CACNA2D4: variants seen among roughly 807,000 people sequenced by gnomAD.
CACNA2D4 encodes voltage-dependent calcium channel subunit alpha-2/delta-4.
A neutral mutation model predicts 163.8 loss-of-function variants in CACNA2D4; 157 were observed. The observed-to-expected ratio is 0.96, with a 90% confidence interval of 0.84 to 1.09. CACNA2D4 has a LOEUF of 1.09. CACNA2D4 is among the 50% of genes least tolerant of loss of function. CACNA2D4 has a pLI of 0.00. For synonymous variants in CACNA2D4, 598 were observed against 586.9 expected (o/e 1.02, Z -0.27); for missense variants, 1,410 against 1,479.9 (o/e 0.95, Z 0.78).
At chr12:1,900,413 G>T (rs935995652) in intron 6 of CACNA2D4, among the ~76,000 whole-genome samples, 1 of 152,184 alleles carries the variant, frequency 6.6e-6, no homozygotes, top group Non-Finnish European at 1.5e-5. Context: ...GGGATTACAG[G>T]CATGAGCCAC....
intron 35 of CACNA2D4, among the ~76,000 whole-genome samples, chr12:1,796,656 G>T (rs978972581): frequency 6.6e-6 from 1 of 152,234 alleles, no homozygotes; most frequent in Non-Finnish European, 1.5e-5. Flanking sequence ...CGCAGGGAGT[G>T]GGGGAGAAGG....
rs1339363193 is a variant in CACNA2D4, at chr12:1,828,936, T to C, written c.2551+11803A>G. ...CAGCAAGGGCTGGTCTGCCCAAGGCTACACGGTGGCAGGGAGGAAACGGTC... is the reference window on the plus strand; with the variant it reads ...CAGCAAGGGCTGGTCTGCCCAAGGCCACACGGTGGCAGGGAGGAAACGGTC... On this transcript the variant is annotated intron_variant, in intron 26 of 37. Transcript: ENST00000382722. The surrounding 1 kb of genome is among the most constrained non-coding windows in gnomAD (Gnocchi z 4.2). 6.6e-6 allele frequency among the ~76,000 whole-genome samples: 1 copy of C among 152,212 alleles called. No homozygotes were observed. The highest frequency in any genetic ancestry group is 1.9e-4 in the East Asian group (1 of 5,180).
intron 6 of CACNA2D4, among the ~76,000 whole-genome samples, chr12:1,895,804 A>T (rs1322709095): frequency 6.6e-6 from 1 of 151,900 alleles, no homozygotes; most frequent in African/African-American, 2.4e-5. Flanking sequence ...ACATGGTTAC[A>T]TTTTAAAATT....
intron 27 of CACNA2D4, among the ~76,000 whole-genome samples, chr12:1,810,794 ATGTG>A (rs939940192): frequency 1.3e-5 from 2 of 151,872 alleles, no homozygotes; most frequent in Admixed American, 1.3e-4. Flanking sequence ...AGGTGTGTGC[ATGTG>A]TGTGTCTATG....
Position 1,909,436 on chromosome 12 carries a change from C to T in CACNA2D4, c.486+470G>A, listed in dbSNP as rs534074918. Among the ~76,000 whole-genome samples the T allele has an allele frequency of 1.2e-4, 19 of 152,332 alleles. No individual in the cohort carries two copies. In the South Asian group the frequency reaches 3.7e-3, roughly 30 times the overall value. On this transcript the variant is annotated intron_variant, in intron 4 of 37. Coordinates refer to ENST00000382722, the MANE Select transcript of CACNA2D4 (RefSeq NM_172364.5). ...GTCTCGATCTCCTGACCTTGTGATCCACCCGCCTCAGCCTCCCAAAGTGCT... is the reference window on the plus strand; with the variant it reads ...GTCTCGATCTCCTGACCTTGTGATCTACCCGCCTCAGCCTCCCAAAGTGCT...
chr12:1,876,588 G>A (rs1019032766), intron 16 of CACNA2D4, among the ~76,000 whole-genome samples: 1 of 152,228 alleles, frequency 6.6e-6, no homozygotes, highest in Non-Finnish European at 1.5e-5. Context: ...CTATCACTGT[G>A]TATCTTGCTT....
Position 1,844,318 on chromosome 12 carries a change from A to G in CACNA2D4, c.2470+84T>C. On this transcript the variant is annotated intron_variant, in intron 25 of 37. Transcript: ENST00000382722. This position sits in a 1 kb window ranked among gnomAD's most constrained non-coding sequence, Gnocchi z 4.2. Reference sequence around the variant, plus strand: ...ACATTCTATTCCATATCTCGTTCCCATTTCCCACTAAGAGCACAGCAGGAG... The same window carrying G: ...ACATTCTATTCCATATCTCGTTCCCGTTTCCCACTAAGAGCACAGCAGGAG... The G allele has an allele frequency of 1.3e-6, 2 of 1,501,484 alleles. No homozygotes were observed. The highest frequency in any genetic ancestry group is 1.8e-6 in the Non-Finnish European group (2 of 1,100,008). 93.0% of individuals were successfully genotyped at this position (1,501,484 alleles called of 1,614,324 possible). A position where few individuals can be genotyped will look rare whatever the true frequency, so the allele number is the denominator to read the frequency against.
intron 24 of CACNA2D4, among the ~76,000 whole-genome samples, chr12:1,845,050 C>T (rs757638882): frequency 5.3e-5 from 8 of 149,642 alleles, no homozygotes; most frequent in Non-Finnish European, 1.0e-4. Context: ...GAGTGTTCGG[C>T]CAGAAGCAGA....
chr12:1,802,015 CTGTGTGTGTGTGTGTGTG>C lies in CACNA2D4; in HGVS notation c.2722-389_2722-372del, dbSNP rs60739615. ...TATGAAACTGGATTTGTTTTATATG[CTGTGTGTGTGTGTGTGTG>C]TGTGTGTGTGTGTGTGTGTGTGTGT... On this transcript the variant is annotated intron_variant, in intron 29 of 37. Coordinates refer to ENST00000382722, the MANE Select transcript of CACNA2D4 (RefSeq NM_172364.5). This position sits in a 1 kb window ranked among gnomAD's most constrained non-coding sequence, Gnocchi z 4.7. Among the ~76,000 whole-genome samples, 14 of 144,268 alleles carry C rather than the reference CTGTGTGTGTGTGTGTGTG, an allele frequency of 9.7e-5. No individual in the cohort carries two copies. Among genetic ancestry groups the C allele is most frequent in the Non-Finnish European group, 1.8e-4 (12 of 65,916 alleles). The allele number at this position is 144,268 out of a possible 152,430, so 94.6% of individuals were successfully genotyped here.
intron 6 of CACNA2D4, among the ~76,000 whole-genome samples, chr12:1,888,881 A>G (rs779528754): frequency 3.3e-5 from 5 of 152,232 alleles, no homozygotes; most frequent in Non-Finnish European, 7.3e-5. Context: ...AGCACAGCGT[A>G]TCCCAAACAG....
chr12:1,909,517 C>T (rs988192780), intron 4 of CACNA2D4, among the ~76,000 whole-genome samples: 8 of 152,216 alleles, frequency 5.3e-5, no homozygotes, highest in African/African-American at 1.9e-4. Context: ...TCTGTGTTTT[C>T]TTTCTGCTGT....
At chr12:1,842,675 G>A (rs1865054411) in intron 25 of CACNA2D4, among the ~76,000 whole-genome samples, 1 of 149,990 alleles carries the variant, frequency 6.7e-6, no homozygotes, top group Admixed American at 6.7e-5. Flanking sequence ...CTCAGTCCTG[G>A]TGAATGCGGG....
chr12:1,867,891 G>T (rs1188882608), intron 18 of CACNA2D4, among the ~76,000 whole-genome samples: 1 of 152,146 alleles, frequency 6.6e-6, no homozygotes, highest in East Asian at 1.9e-4. Context: ...GATCATCAGA[G>T]AAATGCAAAC....
chr12:1,804,556 G>A (rs1390320795), intron 29 of CACNA2D4, among the ~76,000 whole-genome samples: 1 of 152,190 alleles, frequency 6.6e-6, no homozygotes, highest in African/African-American at 2.4e-5. Context: ...TGTCACTCTG[G>A]CAGAAAATAT....
intron 26 of CACNA2D4, among the ~76,000 whole-genome samples, chr12:1,816,675 C>T (rs943775194): frequency 1.3e-5 from 2 of 152,382 alleles, no homozygotes; most frequent in African/African-American, 4.8e-5. Flanking sequence ...TACGTCTTTG[C>T]TGTGCACACA....
Position 1,792,498 on chromosome 12 carries a change from C to T in CACNA2D4, c.*1157G>A, listed in dbSNP as rs902308496. 4 of 152,260 alleles carry T rather than the reference C, an allele frequency of 2.6e-5. No individual in the cohort carries two copies. The highest frequency in any genetic ancestry group is 5.9e-5 in the Non-Finnish European group (4 of 68,082). The allele number at this position is 152,260 out of a possible 1,614,324, so 9.4% of individuals were successfully genotyped here. On this transcript the variant is annotated 3_prime_UTR_variant, in exon 38 of 38. Transcript: ENST00000382722. ...CCCTGCATGCTGTCCATACCCATCACTGGGGTTTGTTAAATGGAAAGATTT... is the reference window on the plus strand; with the variant it reads ...CCCTGCATGCTGTCCATACCCATCATTGGGGTTTGTTAAATGGAAAGATTT...
rs368095871 is a variant in CACNA2D4 at position 1,915,575 on chromosome 12, G to A, written c.228-640C>T. On this transcript the variant is annotated intron_variant, in intron 1 of 37. Coordinates refer to ENST00000382722, the MANE Select transcript of CACNA2D4 (RefSeq NM_172364.5). ...CCTCTGTTGAAACCTCAGAGAACGC[G>A]TGAGGCAAGGGCACAGCAGGAAAAG... 9.3e-4 allele frequency among the ~76,000 whole-genome samples: 142 copies of A among 152,366 alleles called. 1 individual carries two copies. Among genetic ancestry groups the A allele is most frequent in the African/African-American group, 3.2e-3 (134 of 41,600 alleles).
intron 29 of CACNA2D4, 58 bp downstream of exon 29, chr12:1,810,220 A>C: frequency 6.9e-7 from 1 of 1,440,584 alleles, no homozygotes; most frequent in Non-Finnish European, 9.7e-7. Flanking sequence ...GTGGCTGCCC[A>C]ATGTCTCCAG....
intron 18 of CACNA2D4, among the ~76,000 whole-genome samples, chr12:1,862,194 T>C (rs1364639672): frequency 6.6e-6 from 1 of 152,210 alleles, no homozygotes; most frequent in Non-Finnish European, 1.5e-5. Flanking sequence ...CTACCATAAA[T>C]ATCCTGGGAC....
Sources: allele counts gnomAD v4.1 joint callset (sites outside exome capture counted in the v4.1 genomes callset), GRCh38; gene constraint gnomAD v4.1.1; non-coding constraint Gnocchi (gnomAD v3.1); transcripts MANE v1.5; gene names NCBI Gene and HGNC (gene_info 2026-07-23, HGNC 2026-07-21).